The following TAFA5 variants were observed in gnomAD, a reference collection of about 807,000 sequenced individuals.
TAFA5 encodes the protein chemokine-like protein TAFA-5.
A neutral mutation model predicts 15.3 loss-of-function variants in TAFA5; 6 were observed. The observed-to-expected ratio is 0.39, with a 90% confidence interval of 0.21 to 0.77. The LOEUF (loss-of-function observed/expected upper bound fraction) is 0.77, where lower values mean the gene tolerates loss of function less well. Among genes scored for constraint, TAFA5 ranks in the 30% least tolerant of loss-of-function variants. The pLI, the probability that TAFA5 is intolerant of heterozygous loss-of-function variation, is 0.41. For synonymous variants in TAFA5, 103 were observed against 80.7 expected, an observed-to-expected ratio of 1.28 and a Z score of -1.48; for missense variants, 161 against 193.1, an observed-to-expected ratio of 0.83 and a Z score of 0.98.
intron 3 of TAFA5, among the ~76,000 whole-genome samples, chr22:48,732,776 C>T (rs1929905256): frequency 6.6e-6 from 1 of 152,138 alleles, no homozygotes; most frequent in Non-Finnish European, 1.5e-5. Flanking sequence ...GAGAGTCAAT[C>T]GATACAGCAA....
At chr22:48,671,306 G>T (rs1486903174) in intron 2 of TAFA5, among the ~76,000 whole-genome samples, 2 of 152,232 alleles carry the variant, frequency 1.3e-5, no homozygotes, top group African/African-American at 4.8e-5. Flanking sequence ...GAGCCAAGTT[G>T]CCCCTGGCCT....
In TAFA5 at chr22:48,577,523, G is replaced by C. The variant is rs562533006; in HGVS notation, c.113-69074G>C. On this transcript the variant is annotated intron_variant, in intron 1 of 3. Transcript: ENST00000402357. ...CTCCGCCTGGTGCTCCCCTTGGTCCGCTGGGAAGGCTGAGCACCGGAGGGC... is the reference window on the plus strand; with the variant it reads ...CTCCGCCTGGTGCTCCCCTTGGTCCCCTGGGAAGGCTGAGCACCGGAGGGC... Among the ~76,000 whole-genome samples, 8 of 152,342 alleles carry C rather than the reference G, an allele frequency of 5.3e-5. No individual in the cohort carries two copies. In the South Asian group the frequency reaches 1.7e-3, roughly 32 times the overall value.
intron 3 of TAFA5, among the ~76,000 whole-genome samples, chr22:48,731,786 G>A (rs536816339): frequency 3.9e-5 from 6 of 152,340 alleles, no homozygotes; most frequent in African/African-American, 1.4e-4. Flanking sequence ...TGTTCCAGGA[G>A]ATGAATGCTG....
chr22:48,699,510 G>A (rs1013253197), intron 2 of TAFA5, among the ~76,000 whole-genome samples: 8 of 152,190 alleles, frequency 5.3e-5, no homozygotes, highest in Non-Finnish European at 8.8e-5. Flanking sequence ...CTGGCTCTCC[G>A]TGTGTATACA....
intron 1 of TAFA5, among the ~76,000 whole-genome samples, chr22:48,503,045 A>G (rs5767174): frequency 0.37 from 56,114 of 152,034 alleles, 13,115 homozygotes; most frequent in African/African-American, 0.66. Context: ...GGACCTTCCC[A>G]TGCTCTTCCA....
At position 48,613,118 on chromosome 22, in the gene TAFA5, A is replaced by G. The variant is rs73889178; in HGVS notation, c.113-33479A>G. On this transcript the variant is annotated intron_variant, in intron 1 of 3. Transcript: ENST00000402357. ...TTCCAGACGGTTCCTGTGCTCGGGA[A>G]TATGCTAACATCAATGCTGGAAGAT... 6.4e-3 allele frequency among the ~76,000 whole-genome samples: 982 copies of G among 152,276 alleles called. 12 individuals carry two copies. Among genetic ancestry groups the G allele is most frequent in the African/African-American group, 0.022 (919 of 41,546 alleles).
intron 1 of TAFA5, among the ~76,000 whole-genome samples, chr22:48,602,088 G>A (rs2147166056): frequency 6.6e-6 from 1 of 152,292 alleles, no homozygotes; most frequent in South Asian, 2.1e-4. Flanking sequence ...GGACCCTCTG[G>A]GTGGTGCGAG....
chr22:48,581,585 G>A (rs1174004865), intron 1 of TAFA5, among the ~76,000 whole-genome samples: 1 of 152,230 alleles, frequency 6.6e-6, no homozygotes, highest in Admixed American at 6.5e-5. Context: ...TCAGTAGAGT[G>A]CTGGCTGCAG....
intron 1 of TAFA5, among the ~76,000 whole-genome samples, chr22:48,613,066 CTT>C (rs1925469665): frequency 6.6e-6 from 1 of 152,214 alleles, no homozygotes; most frequent in Non-Finnish European, 1.5e-5. Flanking sequence ...ACCAGCCACT[CTT>C]GGCTCTGTGG....
chr22:48,658,376 G>A (rs1050845508), intron 2 of TAFA5, among the ~76,000 whole-genome samples: 2 of 152,238 alleles, frequency 1.3e-5, no homozygotes, highest in East Asian at 3.8e-4. Context: ...CATGGCAGAC[G>A]CCAGATGGAT....
intron 1 of TAFA5, among the ~76,000 whole-genome samples, chr22:48,635,923 C>T (rs542852267): frequency 6.6e-6 from 1 of 152,338 alleles, no homozygotes; most frequent in East Asian, 1.9e-4. Context: ...TCACAGGTGG[C>T]TCTTGGCACA....
chr22:48,712,994 T>C (rs1202145095), intron 3 of TAFA5, among the ~76,000 whole-genome samples: 1 of 152,224 alleles, frequency 6.6e-6, no homozygotes, highest in African/African-American at 2.4e-5. Context: ...AATATTCTCA[T>C]CAGTGTTTGC....
chr22:48,625,361 GAT>G (rs1184133076), intron 1 of TAFA5, among the ~76,000 whole-genome samples: 3 of 152,194 alleles, frequency 2.0e-5, no homozygotes, highest in Non-Finnish European at 2.9e-5. Flanking sequence ...CCACCCCGTG[GAT>G]TATTCTAGCC....
intron 1 of TAFA5, among the ~76,000 whole-genome samples, chr22:48,625,923 T>TGTCATGGA: frequency 6.6e-6 from 1 of 152,170 alleles, no homozygotes. Context: ...TTTTCCAGAG[T>TGTCATGGA]GTCATGGAGT....
chr22:48,614,901 G>T (rs1396087346), intron 1 of TAFA5, among the ~76,000 whole-genome samples: 2 of 152,172 alleles, frequency 1.3e-5, no homozygotes, highest in Admixed American at 1.3e-4. Flanking sequence ...CCGGGCATGG[G>T]GTCAGCAGAG....
intron 2 of TAFA5, among the ~76,000 whole-genome samples, chr22:48,676,619 A>G (rs1253863864): frequency 6.6e-6 from 1 of 152,208 alleles, no homozygotes; most frequent in Non-Finnish European, 1.5e-5. Flanking sequence ...CCCACGAGGA[A>G]GGACACAGGA....
At chr22:48,658,266 C>G (rs972727040) in intron 2 of TAFA5, among the ~76,000 whole-genome samples, 1 of 152,176 alleles carries the variant, frequency 6.6e-6, no homozygotes, top group Non-Finnish European at 1.5e-5. Context: ...CGAGGTCTTA[C>G]GACTGCTGCG....
intron 1 of TAFA5, among the ~76,000 whole-genome samples, chr22:48,581,281 TGCAAGG>T (rs771362149): frequency 7.1e-4 from 108 of 152,116 alleles, no homozygotes; most frequent in Non-Finnish European, 1.3e-3. Context: ...CAGGCCTCCC[TGCAAGG>T]GCCGAGCCAG....
chr22:48,642,242 C>T (rs929314100), intron 1 of TAFA5, among the ~76,000 whole-genome samples: 3 of 152,176 alleles, frequency 2.0e-5, no homozygotes, highest in Admixed American at 6.5e-5. Context: ...CCCAGCCCTG[C>T]CAGAGCCCCA....
Sources: gnomAD v4.1 joint callset for allele counts (sites outside exome capture counted in the v4.1 genomes callset) on GRCh38, gnomAD v4.1.1 for gene constraint, MANE v1.5 for transcripts, NCBI Gene and HGNC (gene_info 2026-07-23, HGNC 2026-07-21) for gene names.